NKAIN2: variants seen among roughly 807,000 people sequenced by gnomAD.
The protein encoded by NKAIN2 is sodium/potassium-transporting ATPase subunit beta-1-interacting protein 2.
In NKAIN2, 14 loss-of-function variants were observed where a neutral mutation model predicts 32.6. The observed-to-expected ratio is 0.43, with a 90% CI of 0.28 to 0.67. The LOEUF (loss-of-function observed/expected upper bound fraction) is 0.67. Among genes scored for constraint, NKAIN2 ranks in the 30% least tolerant of loss-of-function variants. NKAIN2 has a pLI of 0.17. For missense variants in NKAIN2, 198 were observed against 258.3 expected, an observed-to-expected ratio of 0.77 and a Z score of 1.60; for synonymous variants, 80 against 87.2, an observed-to-expected ratio of 0.92 and a Z score of 0.46.
At chr6:124,804,607 G>C (rs949159384) in intron 5 of NKAIN2, 3 of 156,534 alleles carry the variant, frequency 1.9e-5, no homozygotes, top group African/African-American at 7.2e-5. Flanking sequence ...TGAGGTACCA[G>C]GTTCATCTCA....
chr6:124,225,910 A>G (rs190324348), intron 1 of NKAIN2, among the ~76,000 whole-genome samples: 3 of 152,090 alleles, frequency 2.0e-5, no homozygotes, highest in Non-Finnish European at 4.4e-5. Context: ...AGGGGGGTCT[A>G]TTTTGCTCTT....
intron 1 of NKAIN2, among the ~76,000 whole-genome samples, chr6:123,921,144 G>A (rs1028871398): frequency 2.0e-5 from 3 of 152,262 alleles, no homozygotes; most frequent in South Asian, 2.1e-4. Context: ...ATGAGAGAAC[G>A]CAATAGTGAA....
intron 3 of NKAIN2, among the ~76,000 whole-genome samples, chr6:124,363,534 A>T (rs903801813): frequency 7.2e-5 from 11 of 152,234 alleles, no homozygotes; most frequent in Admixed American, 2.0e-4. Flanking sequence ...TAAAAATATA[A>T]ATGGAAAAAC....
chr6:124,701,397 T>G (rs1774782892), intron 4 of NKAIN2, among the ~76,000 whole-genome samples: 1 of 152,118 alleles, frequency 6.6e-6, no homozygotes, highest in African/African-American at 2.4e-5. Flanking sequence ...GTTTTATACA[T>G]AATGTTGAAA....
At chr6:124,751,333 A>G (rs1203111152) in intron 4 of NKAIN2, among the ~76,000 whole-genome samples, 1 of 152,004 alleles carries the variant, frequency 6.6e-6, no homozygotes, top group African/African-American at 2.4e-5. Context: ...GGACAGAGAA[A>G]TGATTTACAA....
intron 3 of NKAIN2, among the ~76,000 whole-genome samples, chr6:124,575,240 C>G (rs978158899): frequency 6.6e-6 from 1 of 152,098 alleles, no homozygotes; most frequent in South Asian, 2.1e-4. Flanking sequence ...AAGGTCTGTC[C>G]CCTATCCCTT....
intron 1 of NKAIN2, among the ~76,000 whole-genome samples, chr6:124,137,527 G>T (rs1480442991): frequency 6.6e-6 from 1 of 151,918 alleles, no homozygotes; most frequent in South Asian, 2.1e-4. Context: ...AAATTCATAT[G>T]GCACCAAAAC....
chr6:124,638,021 A>T (rs1783837117), intron 3 of NKAIN2, among the ~76,000 whole-genome samples: 1 of 152,222 alleles, frequency 6.6e-6, no homozygotes, highest in South Asian at 2.1e-4. Context: ...ATGCTACAGT[A>T]TAGTAACCAA....
chr6:124,048,880 C>T lies in NKAIN2; in HGVS notation c.55-234125C>T, dbSNP rs1006655840. Among the ~76,000 whole-genome samples, 3 of 151,944 alleles carry T rather than the reference C, an allele frequency of 2.0e-5. No individual in the cohort carries two copies. The South Asian group carries it at 6.2e-4, about 32-fold the overall frequency. Reference sequence around the variant, plus strand: ...TCAGTCGTATTAGGTCTTTTTGGGTCTCTATTGATCATTAAAGGCTGGAAC... The same window carrying T: ...TCAGTCGTATTAGGTCTTTTTGGGTTTCTATTGATCATTAAAGGCTGGAAC... On this transcript the variant is annotated intron_variant, in intron 1 of 6. Coordinates refer to ENST00000368417, the MANE Select transcript of NKAIN2 (RefSeq NM_001040214.3).
chr6:124,786,411 A>G (rs907640484), intron 4 of NKAIN2, among the ~76,000 whole-genome samples: 8 of 152,150 alleles, frequency 5.3e-5, no homozygotes, highest in Non-Finnish European at 1.2e-4. Flanking sequence ...TTAAACGCTA[A>G]GGTTGCTATA....
chr6:124,679,875 T>C (rs1392626034), intron 4 of NKAIN2, among the ~76,000 whole-genome samples: 1 of 152,206 alleles, frequency 6.6e-6, no homozygotes, highest in Non-Finnish European at 1.5e-5. Context: ...ATTCAGGATT[T>C]TTACATGAGA....
chr6:124,035,275 C>T (rs1477682096), intron 1 of NKAIN2, among the ~76,000 whole-genome samples: 3 of 152,086 alleles, frequency 2.0e-5, no homozygotes, highest in African/African-American at 4.8e-5. Context: ...TGTGCTCTAA[C>T]ATCATTGCCC....
chr6:123,830,089 C>T (rs532281708), intron 1 of NKAIN2, among the ~76,000 whole-genome samples: 33 of 152,232 alleles, frequency 2.2e-4, no homozygotes, highest in South Asian at 1.5e-3. Flanking sequence ...ACTTTTCTCT[C>T]GCCCCGTGTG....
chr6:124,710,578 T>C (rs533668883), intron 4 of NKAIN2, among the ~76,000 whole-genome samples: 12 of 152,150 alleles, frequency 7.9e-5, no homozygotes, highest in African/African-American at 2.9e-4. Flanking sequence ...CCTTTACCAT[T>C]ATGTAATGGC....
intron 2 of NKAIN2, among the ~76,000 whole-genome samples, chr6:124,354,825 T>C (rs932911424): frequency 2.0e-5 from 3 of 146,606 alleles, no homozygotes; most frequent in African/African-American, 7.6e-5. Context: ...GCTGTAATCC[T>C]ATGAGTCCAT....
At chr6:124,706,294 G>A (rs1043069612) in intron 4 of NKAIN2, among the ~76,000 whole-genome samples, 1 of 152,006 alleles carries the variant, frequency 6.6e-6, no homozygotes, top group Non-Finnish European at 1.5e-5. Flanking sequence ...CTATCTTACA[G>A]ATGAAGAAAT....
chr6:124,031,800 T>C (rs987667130), intron 1 of NKAIN2, among the ~76,000 whole-genome samples: 3 of 152,160 alleles, frequency 2.0e-5, no homozygotes, highest in Non-Finnish European at 2.9e-5. Flanking sequence ...TCTGTTCTTT[T>C]ACATTTGCTG....
intron 1 of NKAIN2, among the ~76,000 whole-genome samples, chr6:123,820,208 G>T (rs1311278857): frequency 6.6e-6 from 1 of 152,174 alleles, no homozygotes; most frequent in African/African-American, 2.4e-5. Flanking sequence ...AGGACAAAAA[G>T]GGTGTGGCCA....
chr6:124,275,235 A>C (rs890600490), intron 1 of NKAIN2, among the ~76,000 whole-genome samples: 1 of 152,114 alleles, frequency 6.6e-6, no homozygotes, highest in Non-Finnish European at 1.5e-5. Context: ...TTATTATACA[A>C]AATAGTGGAA....
Sources: allele counts gnomAD v4.1 joint callset (sites outside exome capture counted in the v4.1 genomes callset), GRCh38; gene constraint gnomAD v4.1.1; transcripts MANE v1.5; gene names NCBI Gene and HGNC (gene_info 2026-07-23, HGNC 2026-07-21).